Variants in GLIS3 observed in about 807,000 individuals in gnomAD.
GLIS3 encodes GLIS family zinc finger 3, also known as zinc finger protein GLIS3.
Under a neutral mutation model 78.6 loss-of-function variants are expected in GLIS3, and 53 were observed. The ratio of observed to expected loss-of-function variants is 0.67; its 90% CI spans 0.54 to 0.85. The LOEUF is 0.85. Among genes scored for constraint, GLIS3 ranks in the 40% least tolerant of loss-of-function variants. GLIS3 has a pLI of 0.00. For missense variants in GLIS3, 1,703 were observed against 1,231.1 expected, an observed-to-expected ratio of 1.38 and a Z score of -5.74; for synonymous variants, 684 against 509.9, an observed-to-expected ratio of 1.34 and a Z score of -4.60.
intron 4 of GLIS3, among the ~76,000 whole-genome samples, chr9:4,105,257 G>C (rs946481774): frequency 6.6e-6 from 1 of 152,126 alleles, no homozygotes; most frequent in Non-Finnish European, 1.5e-5. Flanking sequence ...TTAAGAATTT[G>C]AAATTATCCC....
chr9:4,465,970 G>T, the GLIS3 span, among the ~76,000 whole-genome samples: 1 of 152,222 alleles, frequency 6.6e-6, no homozygotes, highest in African/African-American at 2.4e-5. Flanking sequence ...TAAAAATGTG[G>T]CCCACAAAAC....
intron 4 of GLIS3, among the ~76,000 whole-genome samples, chr9:4,074,055 C>A (rs1341892589): frequency 6.6e-6 from 1 of 152,200 alleles, no homozygotes; most frequent in Non-Finnish European, 1.5e-5. Context: ...AGCATTTCCT[C>A]CCACTCTCTA....
intron 2 of GLIS3, among the ~76,000 whole-genome samples, chr9:4,197,191 T>C (rs1818944367): frequency 6.6e-6 from 1 of 151,954 alleles, no homozygotes; most frequent in Admixed American, 6.6e-5. Context: ...CTCCAGGCCT[T>C]TGGAGCACTC....
intron 3 of GLIS3, 50 bp downstream of exon 3, chr9:4,125,684 G>T: frequency 8.1e-7 from 1 of 1,235,238 alleles, no homozygotes; most frequent in Non-Finnish European, 1.2e-6. Context: ...AAACACTTGT[G>T]GGGTGTGTTT....
At chr9:4,075,345 G>A (rs1827952986) in intron 4 of GLIS3, among the ~76,000 whole-genome samples, 1 of 150,586 alleles carries the variant, frequency 6.6e-6, no homozygotes. Context: ...GAGGTGGGCG[G>A]ATGACAAGGT....
intron 2 of GLIS3, among the ~76,000 whole-genome samples, chr9:4,230,723 C>T (rs568863677): frequency 1.4e-4 from 21 of 152,158 alleles, no homozygotes; most frequent in East Asian, 1.2e-3. Flanking sequence ...CAAAAGCATC[C>T]GTCAAAGAGG....
At chr9:4,024,977 G>A (rs539052204) in intron 4 of GLIS3, among the ~76,000 whole-genome samples, 2 of 152,086 alleles carry the variant, frequency 1.3e-5, no homozygotes, top group Non-Finnish European at 2.9e-5. Flanking sequence ...GGCTAGGCAC[G>A]GTGGCTCATG....
At chr9:4,313,372 C>A (rs1056143029) in intron 2 of GLIS3, among the ~76,000 whole-genome samples, 1 of 152,204 alleles carries the variant, frequency 6.6e-6, no homozygotes, top group African/African-American at 2.4e-5. Context: ...ACCTCCCCCT[C>A]TCCATCTCAC....
intron 2 of GLIS3, among the ~76,000 whole-genome samples, chr9:4,331,442 G>A (rs1817684918): frequency 6.6e-6 from 1 of 152,116 alleles, no homozygotes; most frequent in Non-Finnish European, 1.5e-5. Context: ...GAATTTCGGG[G>A]GGACACTATT....
the GLIS3 span, among the ~76,000 whole-genome samples, chr9:4,434,305 G>T: frequency 6.6e-6 from 1 of 152,064 alleles, no homozygotes; most frequent in Non-Finnish European, 1.5e-5. Flanking sequence ...TAGTCTGTGG[G>T]AGTCAGATCT....
chr9:3,859,350 A>AACACACACAC (rs34973607), intron 8 of GLIS3, among the ~76,000 whole-genome samples: 6 of 148,852 alleles, frequency 4.0e-5, no homozygotes, highest in Admixed American at 1.3e-4. Flanking sequence ...GTTTCTTCGA[A>AACACACACAC]ACACACACAC....
intron 4 of GLIS3, among the ~76,000 whole-genome samples, chr9:3,964,156 AC>A (rs1354346683): frequency 2.0e-5 from 3 of 152,000 alleles, no homozygotes. Context: ...TATTATGTTT[AC>A]CACAGATTGA....
chr9:3,858,648 TTAAATA>T (rs1819951382), intron 8 of GLIS3, among the ~76,000 whole-genome samples: 3 of 152,230 alleles, frequency 2.0e-5, no homozygotes, highest in African/African-American at 7.2e-5. Flanking sequence ...TAATAGAAAT[TTAAATA>T]TAAACTATTC....
chr9:4,286,559 C>G (rs528311137), intron 1 of GLIS3, 36 bp from the exon 2 acceptor site: 4 of 1,041,752 alleles, frequency 3.8e-6, no homozygotes, highest in South Asian at 2.7e-5. Context: ...TTTTTAAAAG[C>G]AAAAATGAAA....
At chr9:4,288,528 A>C (rs1032632197) in intron 1 of GLIS3, among the ~76,000 whole-genome samples, 3 of 152,212 alleles carry the variant, frequency 2.0e-5, no homozygotes, top group African/African-American at 7.2e-5. Flanking sequence ...TACGAGCAGG[A>C]ATTCTCATCA....
At chr9:4,251,658 G>C (rs879024529) in intron 2 of GLIS3, among the ~76,000 whole-genome samples, 1 of 152,124 alleles carries the variant, frequency 6.6e-6, no homozygotes, top group Non-Finnish European at 1.5e-5. Flanking sequence ...TATGATGCTA[G>C]CTGGTTATTT....
chr9:4,299,019 G>T (rs1238350821), intron 1 of GLIS3, among the ~76,000 whole-genome samples: 1 of 152,164 alleles, frequency 6.6e-6, no homozygotes, highest in Non-Finnish European at 1.5e-5. Context: ...GGACTCCAGA[G>T]TGGTGCGCCC....
intron 4 of GLIS3, among the ~76,000 whole-genome samples, chr9:4,084,352 G>A (rs1012927898): frequency 6.6e-6 from 1 of 151,490 alleles, no homozygotes; most frequent in Non-Finnish European, 1.5e-5. Flanking sequence ...TTATCTTGCG[G>A]TTCTCTACAT....
chr9:3,899,534 A>C (rs1563828097), intron 6 of GLIS3, among the ~76,000 whole-genome samples: 1 of 152,146 alleles, frequency 6.6e-6, no homozygotes, highest in African/African-American at 2.4e-5. Flanking sequence ...GAAAAAAAAA[A>C]CAATGTAAGA....
Sources: allele counts gnomAD v4.1 joint callset (sites outside exome capture counted in the v4.1 genomes callset), GRCh38; gene constraint gnomAD v4.1.1; transcripts MANE v1.5; gene names NCBI Gene and HGNC (gene_info 2026-07-23, HGNC 2026-07-21).